Variants in MTPN observed in about 807,000 individuals in gnomAD.
MTPN encodes myotrophin.
MTPN carries 2 observed loss-of-function variants against 13.5 expected under a neutral mutation model. The ratio of observed to expected loss-of-function variants is 0.15; its 90% CI spans 0.06 to 0.47. The LOEUF (loss-of-function observed/expected upper bound fraction) is 0.47, where lower values mean the gene tolerates loss of function less well. MTPN is among the 20% of genes least tolerant of loss of function. MTPN has a pLI of 0.97. For missense variants in MTPN, 79 were observed against 137.9 expected, an observed-to-expected ratio of 0.57 and a Z score of 2.14; for synonymous variants, 46 against 51.7, an observed-to-expected ratio of 0.89 and a Z score of 0.48.
chr7:135,974,697 T>G (rs1402519486), intron 1 of MTPN, among the ~76,000 whole-genome samples: 11 of 152,204 alleles, frequency 7.2e-5, no homozygotes, highest in Admixed American at 5.9e-4. Flanking sequence ...CAGGTCTAAG[T>G]GTTTCTTTAG....
intron 2 of MTPN, among the ~76,000 whole-genome samples, chr7:135,950,900 G>C (rs1254883968): frequency 1.3e-5 from 2 of 152,044 alleles, no homozygotes; most frequent in African/African-American, 4.8e-5. Flanking sequence ...TAGAGCATAG[G>C]GAGCAGGGCT....
chr7:135,969,144 C>T lies in MTPN; in HGVS notation c.72+7885G>A, dbSNP rs1203786998. On this transcript the variant is annotated intron_variant, in intron 1 of 3. Coordinates refer to ENST00000393085, the MANE Select transcript of MTPN (RefSeq NM_145808.4). ...GGGAGATATACCTAATGCTAGATGA[C>T]GAGTTAGTGGGTGCAGCGCACCAGC... Among the ~76,000 whole-genome samples the T allele has an allele frequency of 5.4e-5, 7 of 130,536 alleles. No individual in the cohort carries two copies. The East Asian group carries it at 6.5e-4, about 12-fold the overall frequency. The allele number at this position is 130,536 out of a possible 152,430, so 85.6% of individuals were successfully genotyped here. A position where few individuals can be genotyped will look rare whatever the true frequency, so the allele number is the denominator to read the frequency against.
intron 3 of MTPN, among the ~76,000 whole-genome samples, chr7:135,945,448 T>C (rs1799275521): frequency 6.6e-6 from 1 of 152,312 alleles, no homozygotes; most frequent in East Asian, 1.9e-4. Flanking sequence ...TTCTTTTATA[T>C]TCTTATTCTG....
intron 1 of MTPN, among the ~76,000 whole-genome samples, chr7:135,969,088 T>TA (rs1554395537): frequency 3.0e-5 from 1 of 33,604 alleles, no homozygotes; most frequent in African/African-American, 1.5e-4. Context: ...TGTTGTGGGG[T>TA]GGGGGGGGGG....
chr7:135,938,850 C>G (rs955220000), intron 3 of MTPN, among the ~76,000 whole-genome samples: 1 of 152,130 alleles, frequency 6.6e-6, no homozygotes, highest in Non-Finnish European at 1.5e-5. Flanking sequence ...AACAGACCCC[C>G]GAGGGTTGGA....
intron 1 of MTPN, among the ~76,000 whole-genome samples, chr7:135,955,463 CT>C (rs1311669447): frequency 2.6e-5 from 4 of 152,154 alleles, no homozygotes; most frequent in African/African-American, 9.7e-5. Context: ...AACCTTCAGA[CT>C]CCAGATGGCA....
Position 135,935,592 on chromosome 7 carries a change from CA to C in MTPN, c.271-5581del, listed in dbSNP as rs1301052839. Among the ~76,000 whole-genome samples, 3 of 152,152 alleles carry C rather than the reference CA, an allele frequency of 2.0e-5. No individual in the cohort carries two copies. In the East Asian group the frequency reaches 5.8e-4, roughly 29 times the overall value. On this transcript the variant is annotated intron_variant, in intron 3 of 3. Transcript: ENST00000393085. ...CTCTACATGTTTGGGTGTTCTTTCT[CA>C]AATGCCAGTCTGATCATACTGTTCA... is the stretch of plus-strand genomic sequence containing the variant.
In MTPN at chr7:135,927,473, A is replaced by T. The variant is rs1421378107; in HGVS notation, c.*2453T>A. The T allele has an allele frequency of 8.0e-6, 12 of 1,499,812 alleles. No homozygotes were observed. In the East Asian group the frequency reaches 2.7e-4, roughly 34 times the overall value. The allele number at this position is 1,499,812 out of a possible 1,614,324, so 92.9% of individuals were successfully genotyped here. A position where few individuals can be genotyped will look rare whatever the true frequency, so the allele number is the denominator to read the frequency against. ...AATACAAAACTACAGAACATGCAAA[A>T]TTTTTTCTGAGATGTTAAGTATTAC... On this transcript the variant is annotated 3_prime_UTR_variant, in exon 4 of 4. Coordinates refer to ENST00000393085, the MANE Select transcript of MTPN (RefSeq NM_145808.4).
rs1224201578 is a variant in MTPN at position 135,927,342 on chromosome 7, T to C, written c.*2584A>G. The C allele has an allele frequency of 6.4e-7, 1 of 1,551,226 alleles. No individual in the cohort carries two copies. ...AAGTGCTGTATTTGAACGATAAGCC[T>C]ATAGATAACAGTCTGAAGCTGCAAG... On this transcript the variant is annotated 3_prime_UTR_variant, in exon 4 of 4. Coordinates refer to ENST00000393085, the MANE Select transcript of MTPN (RefSeq NM_145808.4).
intron 3 of MTPN, among the ~76,000 whole-genome samples, chr7:135,950,257 T>G (rs765819464): frequency 6.6e-6 from 1 of 152,200 alleles, no homozygotes; most frequent in Non-Finnish European, 1.5e-5. Context: ...CAAAGCATGG[T>G]GTATGAACCT....
intron 3 of MTPN, chr7:135,932,575 C>T (rs1008401905): frequency 3.9e-5 from 6 of 151,944 alleles, no homozygotes; most frequent in Admixed American, 3.9e-4. Context: ...GTGTTTCCTT[C>T]TACTCTTCTA....
intron 1 of MTPN, among the ~76,000 whole-genome samples, chr7:135,961,254 A>G (rs1799517430): frequency 6.6e-6 from 1 of 152,108 alleles, no homozygotes; most frequent in African/African-American, 2.4e-5. Context: ...TTCTGAACTC[A>G]GGAAAGACCT....
Position 135,928,479 on chromosome 7 carries a change from T to G in MTPN, c.*1447A>C, listed in dbSNP as rs1220114999. On this transcript the variant is annotated 3_prime_UTR_variant, in exon 4 of 4. Coordinates refer to ENST00000393085, the MANE Select transcript of MTPN (RefSeq NM_145808.4). ...TCAATTATTATCCACAATCTGAGTA[T>G]CAGTCCCTAACCCACCCTCCCCTAA... 4 of 167,040 alleles carry G rather than the reference T, an allele frequency of 2.4e-5. No individual in the cohort carries two copies. Among genetic ancestry groups the G allele is most frequent in the Non-Finnish European group, 5.9e-5 (4 of 68,112 alleles). 10.3% of individuals were successfully genotyped at this position (167,040 alleles called of 1,614,324 possible). A position where few individuals can be genotyped will look rare whatever the true frequency, so the allele number is the denominator to read the frequency against.
chr7:135,933,098 CAAAAAAAAAAAAA>C (rs56865854), intron 3 of MTPN, among the ~76,000 whole-genome samples: 2 of 63,066 alleles, frequency 3.2e-5, no homozygotes, highest in Non-Finnish European at 6.0e-5. Context: ...CACTCAGCCT[CAAAAAAAAAAAAA>C]AAAAAAAAAA....
chr7:135,949,185 GAC>G (rs1288775133), intron 3 of MTPN, among the ~76,000 whole-genome samples: 1 of 152,214 alleles, frequency 6.6e-6, no homozygotes, highest in African/African-American at 2.4e-5. Flanking sequence ...TTACTTGCAA[GAC>G]AGAGTCCTAA....
At chr7:135,952,694 G>A (rs1235698240) in intron 1 of MTPN, among the ~76,000 whole-genome samples, 2 of 152,136 alleles carry the variant, frequency 1.3e-5, no homozygotes, top group Admixed American at 6.5e-5. Context: ...GGGTGTGGTG[G>A]CTCACACCTG....
chr7:135,933,616 G>A (rs991568193), intron 3 of MTPN, among the ~76,000 whole-genome samples: 2 of 152,080 alleles, frequency 1.3e-5, no homozygotes, highest in Admixed American at 1.3e-4. Flanking sequence ...GTGGCACCTA[G>A]CAGACTAATA....
chr7:135,967,963 T>G (rs1384820785), intron 1 of MTPN, among the ~76,000 whole-genome samples: 1 of 152,092 alleles, frequency 6.6e-6, no homozygotes, highest in Non-Finnish European at 1.5e-5. Flanking sequence ...TACCTACAAT[T>G]TTTTTGTGGT....
intron 1 of MTPN, among the ~76,000 whole-genome samples, chr7:135,954,479 AC>A (rs528506541): frequency 6.5e-4 from 99 of 152,372 alleles, no homozygotes; most frequent in African/African-American, 2.1e-3. Flanking sequence ...AGAATGCTTA[AC>A]AATTCAGATA....
Sources: allele counts gnomAD v4.1 joint callset (sites outside exome capture counted in the v4.1 genomes callset), GRCh38; gene constraint gnomAD v4.1.1; transcripts MANE v1.5; gene names NCBI Gene and HGNC (gene_info 2026-07-23, HGNC 2026-07-21).